NKAIN2: variants seen among roughly 807,000 people sequenced by gnomAD.
The protein encoded by NKAIN2 is sodium/potassium-transporting ATPase subunit beta-1-interacting protein 2.
In NKAIN2, 14 loss-of-function variants were observed where a neutral mutation model predicts 32.6. The observed-to-expected ratio is 0.43, with a 90% CI of 0.28 to 0.67. The LOEUF (loss-of-function observed/expected upper bound fraction) is 0.67, where lower values mean the gene tolerates loss of function less well. Ranked by LOEUF, NKAIN2 falls within the 30% of genes least tolerant of loss-of-function variation. NKAIN2 has a pLI of 0.17. For synonymous variants in NKAIN2, 80 were observed against 87.2 expected (o/e 0.92, Z 0.46); for missense variants, 198 against 258.3 (o/e 0.77, Z 1.60).
chr6:124,380,001 T>C (rs1391476608), intron 3 of NKAIN2, among the ~76,000 whole-genome samples: 1 of 152,166 alleles, frequency 6.6e-6, no homozygotes, highest in African/African-American at 2.4e-5. Flanking sequence ...TTACTTTTCA[T>C]TTATATACCC....
chr6:124,714,633 G>T (rs546201905), intron 4 of NKAIN2, among the ~76,000 whole-genome samples: 1 of 152,152 alleles, frequency 6.6e-6, no homozygotes, highest in African/African-American at 2.4e-5. Flanking sequence ...GAGAAGTTTC[G>T]CAGGCCGTCT....
At chr6:123,830,994 CT>C (rs1358395032) in intron 1 of NKAIN2, among the ~76,000 whole-genome samples, 1 of 152,168 alleles carries the variant, frequency 6.6e-6, no homozygotes, top group Non-Finnish European at 1.5e-5. Context: ...TAGCTATCGG[CT>C]TTTGTAAGTT....
rs573931537 is a variant in NKAIN2 at position 124,811,091 on chromosome 6, T to A, written c.536-7296T>A. Among the ~76,000 whole-genome samples the A allele has an allele frequency of 7.2e-5, 11 of 152,288 alleles. No individual in the cohort carries two copies. In the South Asian group the frequency reaches 2.3e-3, roughly 32 times the overall value. ...ATGTTTTACGTTCCTTTTGTATTAC[T>A]GGAGCTAAGTACCCTTGGAATTCAT... On this transcript the variant is annotated intron_variant, in intron 5 of 6. Transcript: ENST00000368417.
At chr6:124,624,297 T>C (rs899861352) in intron 3 of NKAIN2, among the ~76,000 whole-genome samples, 4 of 152,120 alleles carry the variant, frequency 2.6e-5, no homozygotes, top group African/African-American at 9.7e-5. Flanking sequence ...TATGAGTGCA[T>C]TATTTGTCCA....
chr6:124,526,586 C>T (rs184698560), intron 3 of NKAIN2, among the ~76,000 whole-genome samples: 3 of 152,198 alleles, frequency 2.0e-5, no homozygotes, highest in African/African-American at 7.2e-5. Flanking sequence ...TGGGTTATCT[C>T]TCATGGACTC....
rs755033671 is a variant in NKAIN2 at position 124,641,530 on chromosome 6, CTTTTTTTTTTTTTTTTTTTT to C, written c.274-16636_274-16617del. On this transcript the variant is annotated intron_variant, in intron 3 of 6. Transcript: ENST00000368417. ...ATACATTTTGTTGTTAAAACACTAGCTTTTTTTTTTTTTTTTTTTTTTTTTTTTTTTTTTTTTTTGAGACA... is the reference window on the plus strand; with the variant it reads ...ATACATTTTGTTGTTAAAACACTAGCTTTTTTTTTTTTTTTTTTTGAGACA... Among the ~76,000 whole-genome samples, 67 of 19,534 alleles carry C rather than the reference CTTTTTTTTTTTTTTTTTTTT, an allele frequency of 3.4e-3. 2 individuals are homozygous for C. The highest frequency in any genetic ancestry group is 0.027 in the East Asian group (21 of 774). The allele number at this position is 19,534 out of a possible 152,430, so 12.8% of individuals were successfully genotyped here.
At chr6:124,607,885 A>C (rs1562281612) in intron 3 of NKAIN2, among the ~76,000 whole-genome samples, 1 of 152,142 alleles carries the variant, frequency 6.6e-6, no homozygotes, top group Admixed American at 6.6e-5. Context: ...TCTTTATTAC[A>C]ATATAGGCTT....
At chr6:124,316,456 A>G (rs1007474560) in intron 2 of NKAIN2, among the ~76,000 whole-genome samples, 3 of 152,144 alleles carry the variant, frequency 2.0e-5, no homozygotes, top group Non-Finnish European at 2.9e-5. Context: ...AAACTGTATG[A>G]TATAACCGCA....
At chr6:124,626,469 G>A (rs1783349928) in intron 3 of NKAIN2, among the ~76,000 whole-genome samples, 2 of 151,902 alleles carry the variant, frequency 1.3e-5, no homozygotes, top group African/African-American at 4.8e-5. Flanking sequence ...CAGATTCATG[G>A]GCCAAAATGC....
At position 124,681,009 on chromosome 6, in the gene NKAIN2, T is replaced by C. The variant is rs1453884087; in HGVS notation, c.474+22623T>C. On this transcript the variant is annotated intron_variant, in intron 4 of 6. Coordinates refer to ENST00000368417, the MANE Select transcript of NKAIN2 (RefSeq NM_001040214.3). ...TGAGAAATGATTCTAGTTAATCCCA[T>C]TCTAAATATTACTTTCAGGATGCAA... 2.0e-5 allele frequency among the ~76,000 whole-genome samples: 3 copies of C among 151,980 alleles called. No individual in the cohort carries two copies. In the East Asian group the frequency reaches 5.8e-4, roughly 29 times the overall value.
At chr6:124,648,013 G>A (rs1784241407) in intron 3 of NKAIN2, among the ~76,000 whole-genome samples, 1 of 152,122 alleles carries the variant, frequency 6.6e-6, no homozygotes. Flanking sequence ...ACTGTAGTAG[G>A]GAAGAGAGAC....
intron 4 of NKAIN2, among the ~76,000 whole-genome samples, chr6:124,692,949 G>A (rs576849372): frequency 4.6e-5 from 7 of 152,330 alleles, no homozygotes; most frequent in Middle Eastern, 3.4e-3. Flanking sequence ...TATTGTTGGA[G>A]CATTTAGTAT....
intron 2 of NKAIN2, among the ~76,000 whole-genome samples, chr6:124,324,236 T>C (rs1797326523): frequency 6.6e-6 from 1 of 152,250 alleles, no homozygotes; most frequent in Non-Finnish European, 1.5e-5. Context: ...TTTTAATCCA[T>C]GAACATGGTA....
chr6:124,741,975 T>A (rs1777231622), intron 4 of NKAIN2, among the ~76,000 whole-genome samples: 1 of 151,798 alleles, frequency 6.6e-6, no homozygotes, highest in Non-Finnish European at 1.5e-5. Flanking sequence ...AACGAAACAA[T>A]GAAAGTGTGG....
intron 1 of NKAIN2, among the ~76,000 whole-genome samples, chr6:123,921,986 G>A (rs11755255): frequency 0.28 from 42,121 of 151,798 alleles, 6,930 homozygotes; most frequent in East Asian, 0.52. Flanking sequence ...AAATTGTTCA[G>A]CATTTTTATT....
At chr6:123,845,195 A>G (rs914319461) in intron 1 of NKAIN2, among the ~76,000 whole-genome samples, 3 of 152,212 alleles carry the variant, frequency 2.0e-5, no homozygotes, top group African/African-American at 7.2e-5. Context: ...ACACTTCTGA[A>G]TTAGAGTACA....
intron 4 of NKAIN2, among the ~76,000 whole-genome samples, chr6:124,726,841 C>T (rs1208021800): frequency 1.5e-5 from 2 of 130,574 alleles, no homozygotes; most frequent in African/African-American, 5.8e-5. Context: ...ACTAGAATAA[C>T]CAATACAGAG....
intron 1 of NKAIN2, among the ~76,000 whole-genome samples, chr6:124,214,063 T>G (rs1463251491): frequency 6.6e-6 from 1 of 152,194 alleles, no homozygotes; most frequent in Non-Finnish European, 1.5e-5. Flanking sequence ...TAACATTTCC[T>G]CCATTGTATA....
At chr6:124,640,901 T>C (rs1783961182) in intron 3 of NKAIN2, among the ~76,000 whole-genome samples, 1 of 152,208 alleles carries the variant, frequency 6.6e-6, no homozygotes, top group African/African-American at 2.4e-5. Flanking sequence ...CTTCCATCTT[T>C]CTTCCTTGTT....
Sources: gnomAD v4.1 joint callset for allele counts (sites outside exome capture counted in the v4.1 genomes callset) on GRCh38, gnomAD v4.1.1 for gene constraint, MANE v1.5 for transcripts, NCBI Gene and HGNC (gene_info 2026-07-23, HGNC 2026-07-21) for gene names.